The following SEC14L3 variants were observed in gnomAD, a reference collection of about 807,000 sequenced individuals.
SEC14L3 encodes SEC14-like protein 3.
SEC14L3 carries 56 observed loss-of-function variants against 57.4 expected under a neutral mutation model. The observed-to-expected ratio is 0.97, with a 90% confidence interval of 0.79 to 1.22. The LOEUF is 1.22. SEC14L3 is among the 50% of genes most tolerant of loss of function. The probability of loss-of-function intolerance (pLI) is 0.00; values close to 1 mark genes in which losing one functional copy is unlikely to be tolerated. For synonymous variants in SEC14L3, 173 were observed against 194.4 expected, an observed-to-expected ratio of 0.89 and a Z score of 0.92; for missense variants, 485 against 511.7, an observed-to-expected ratio of 0.95 and a Z score of 0.50.
At chr22:30,451,846 C>T (rs1934986802) in intron 12 of SEC14L3, among the ~76,000 whole-genome samples, 1 of 151,540 alleles carries the variant, frequency 6.6e-6, no homozygotes, top group East Asian at 1.9e-4. Flanking sequence ...AAAAATTAGC[C>T]AGGCATGGTG....
At chr22:30,470,167 C>T in intron 3 of SEC14L3, 45 bp downstream of exon 3, 4 of 1,613,466 alleles carry the variant, frequency 2.5e-6, no homozygotes, top group Non-Finnish European at 3.4e-6. Flanking sequence ...ATGGATTGCC[C>T]CTGACAAATC....
chr22:30,468,603 C>T lies in SEC14L3; in HGVS notation c.328G>A (p.Gly110Arg). ...YDIIGPLDPK[G>R]LLFSVTKQDL... The stretch of plus-strand genomic sequence containing the variant: ...TGCTTGGTGACTGAGAAGAGCAACC[C>T]CTTGGGATCAAGTGGCCCAATGATG... Residue 110 changes from glycine (G) to arginine (R), a missense_variant, in exon 5 of 12, where the codon GGG (glycine) becomes AGG (arginine). Physicochemically the swap from Gly to Arg is moderately radical, Grantham distance 125 (BLOSUM62 -2). Coordinates refer to ENST00000215812, the MANE Select transcript of SEC14L3 (RefSeq NM_174975.5). 1 of 1,613,972 alleles carries T rather than the reference C, an allele frequency of 6.2e-7. No homozygotes were observed. Among genetic ancestry groups the T allele is most frequent in the Non-Finnish European group, 8.5e-7 (1 of 1,180,024 alleles).
intron 7 of SEC14L3, among the ~76,000 whole-genome samples, chr22:30,465,391 C>T (rs1935385833): frequency 6.6e-6 from 1 of 152,076 alleles, no homozygotes; most frequent in Non-Finnish European, 1.5e-5. Flanking sequence ...GCCAACCATC[C>T]AAATAACCAG....
intron 8 of SEC14L3, among the ~76,000 whole-genome samples, chr22:30,462,878 A>C (rs1935311539): frequency 6.6e-6 from 1 of 151,962 alleles, no homozygotes; most frequent in African/African-American, 2.4e-5. Flanking sequence ...CTGGGATTAC[A>C]GGTGCCCACC....
At position 30,466,319 on chromosome 22, in the gene SEC14L3, T is replaced by C. The variant is rs762260626; in HGVS notation, c.580+15A>G. On this transcript the variant is annotated intron_variant, in intron 7 of 11. Transcript: ENST00000215812. ...GAAACAGAGGCACAAGTAAGTGAAG[T>C]CATTTGTCACATACCTTTCACGATG... 3.0e-5 allele frequency: 48 copies of C among 1,610,828 alleles called. No homozygotes were observed. In the South Asian group the frequency reaches 5.3e-4, roughly 18 times the overall value.
downstream of SEC14L3, among the ~76,000 whole-genome samples, chr22:30,456,065 C>T (rs940549076): frequency 3.9e-5 from 6 of 152,022 alleles, no homozygotes; most frequent in Admixed American, 1.3e-4. Flanking sequence ...CCCAGCACTT[C>T]GGGAGGCCAA....
chr22:30,449,160 G>A (rs1299842324), exon 13 of SEC14L3: 7 of 1,550,582 alleles, frequency 4.5e-6, no homozygotes, highest in East Asian at 4.9e-5. Context: ...CATCACTTGC[G>A]AGTTTGAGTG....
At chr22:30,458,396 G>A (rs1935156144), downstream of SEC14L3, among the ~76,000 whole-genome samples, 1 of 152,192 alleles carries the variant, frequency 6.6e-6, no homozygotes, top group African/African-American at 2.4e-5. Context: ...AGCTGCTTCA[G>A]TATTGTGGGT....
downstream of SEC14L3, among the ~76,000 whole-genome samples, chr22:30,455,206 T>C (rs1379974504): frequency 8.2e-5 from 10 of 121,898 alleles, no homozygotes; most frequent in East Asian, 2.1e-3. Flanking sequence ...TATAAATTAA[T>C]ATAAATATTA....
In SEC14L3 at chr22:30,459,854, TC is replaced by T. The variant is rs199768833; in HGVS notation, c.*166del. The T allele has an allele frequency of 2.5e-4, 340 of 1,368,320 alleles. 4 individuals carry two copies. The East Asian group carries it at 7.2e-3, about 29-fold the overall frequency. 84.8% of individuals were successfully genotyped at this position (1,368,320 alleles called of 1,614,324 possible). A position where few individuals can be genotyped will look rare whatever the true frequency, so the allele number is the denominator to read the frequency against. On this transcript the variant is annotated 3_prime_UTR_variant, in exon 12 of 12. Coordinates refer to ENST00000215812, the MANE Select transcript of SEC14L3 (RefSeq NM_174975.5). ...TCCAAGGTTGTGCCTCTCATACCTT[TC>T]TTGATCTGACCACAGTAGATGAGTT...
chr22:30,466,465 T>G (rs1016611652), intron 6 of SEC14L3, 71 bp from the exon 7 acceptor site: 1 of 1,608,728 alleles, frequency 6.2e-7, no homozygotes, highest in African/African-American at 1.3e-5. Context: ...CTGTGCAATC[T>G]CCTGTTGGGA....
chr22:30,462,892 A>G (rs901962554), intron 8 of SEC14L3, among the ~76,000 whole-genome samples: 3 of 152,118 alleles, frequency 2.0e-5, no homozygotes, highest in African/African-American at 7.2e-5. Context: ...GCCCACCACC[A>G]TGACTGGCTA....
intron 7 of SEC14L3, among the ~76,000 whole-genome samples, chr22:30,465,679 C>T (rs1157469809): frequency 6.6e-6 from 1 of 152,206 alleles, no homozygotes; most frequent in Non-Finnish European, 1.5e-5. Context: ...CAACCAGCCA[C>T]TCAATCAGTC....
chr22:30,448,696 C>CCTCA (rs1934923579), exon 13 of SEC14L3: 1 of 150,564 alleles, frequency 6.6e-6, no homozygotes, highest in South Asian at 1.9e-4. Context: ...TGTAACAATA[C>CCTCA]CTCATCTCTA....
Position 30,462,122 on chromosome 22 carries a change from C to A in SEC14L3, c.735G>T (p.Leu245=). The A allele has an allele frequency of 6.2e-7, 1 of 1,614,198 alleles. No individual in the cohort carries two copies. The highest frequency in any genetic ancestry group is 8.5e-7 in the Non-Finnish European group (1 of 1,180,030). Residue 245 remains leucine, a synonymous_variant, in exon 9 of 12, where the codon CTG becomes CTT. Transcript: ENST00000215812. Reference sequence around the variant, plus strand: ...ATTTGGGGTTCCCATCTGGGTCAGTCAGGGTGCCCCCAAACTGGGCAGGCA... The same window carrying A: ...ATTTGGGGTTCCCATCTGGGTCAGTAAGGGTGCCCCCAAACTGGGCAGGCA... ...EELPAQFGGT[L]TDPDGNPKCL...
chr22:30,469,415 G>C (rs897332692), intron 4 of SEC14L3, among the ~76,000 whole-genome samples: 1 of 152,122 alleles, frequency 6.6e-6, no homozygotes, highest in African/African-American at 2.4e-5. Context: ...TTGTAAAATG[G>C]TTTGGATAAC....
chr22:30,455,533 T>C (rs1935105626), downstream of SEC14L3, among the ~76,000 whole-genome samples: 4 of 152,106 alleles, frequency 2.6e-5, no homozygotes, highest in African/African-American at 9.7e-5. Context: ...CACGAGCCAC[T>C]GCACCTGGCC....
chr22:30,449,568 C>CTTTTCT (rs1934942158), intron 12 of SEC14L3, among the ~76,000 whole-genome samples: 1 of 37,838 alleles, frequency 2.6e-5, no homozygotes, highest in African/African-American at 1.8e-4. Context: ...CTTTTCTTTT[C>CTTTTCT]TTTTTTTTTT....
chr22:30,451,461 A>G (rs754535215), intron 12 of SEC14L3, among the ~76,000 whole-genome samples: 16 of 152,162 alleles, frequency 1.1e-4, no homozygotes, highest in Non-Finnish European at 2.1e-4. Context: ...AAGCAAATAG[A>G]CAACTGTCCT....
Sources: allele counts gnomAD v4.1 joint callset (sites outside exome capture counted in the v4.1 genomes callset), GRCh38; gene constraint gnomAD v4.1.1; transcripts MANE v1.5; gene names NCBI Gene and HGNC (gene_info 2026-07-23, HGNC 2026-07-21).